Variants in KAT6B observed in about 807,000 individuals in gnomAD.
KAT6B encodes the protein histone acetyltransferase KAT6B.
KAT6B carries 10 observed loss-of-function variants against 187.5 expected under a neutral mutation model. That is an observed-to-expected ratio of 0.05 (90% CI 0.03 to 0.09). The LOEUF is 0.09. Among genes scored for constraint, KAT6B ranks in the 10% least tolerant of loss-of-function variants. The pLI is 1.00. For synonymous variants in KAT6B, 861 were observed against 926.8 expected (o/e 0.93, Z 1.29); for missense variants, 1,952 against 2,558.9 (o/e 0.76, Z 5.12).
chr10:74,989,922 C>T (rs1843022079), intron 13 of KAT6B, among the ~76,000 whole-genome samples: 2 of 151,942 alleles, frequency 1.3e-5, no homozygotes, highest in Admixed American at 1.3e-4. Context: ...ACTGGCCGGG[C>T]GTGGTGGCTT....
intron 3 of KAT6B, among the ~76,000 whole-genome samples, chr10:74,948,439 T>C (rs897669308): frequency 6.6e-6 from 1 of 152,200 alleles, no homozygotes; most frequent in African/African-American, 2.4e-5. Context: ...GTGTCTGACT[T>C]TTCTAGCTTG....
At chr10:74,987,593 G>A (rs756668852) in intron 12 of KAT6B, among the ~76,000 whole-genome samples, 9 of 152,244 alleles carry the variant, frequency 5.9e-5, no homozygotes, top group Non-Finnish European at 8.8e-5. Context: ...GAAAGGTTCA[G>A]TGCAAATTGT....
chr10:74,929,748 G>C (rs184494330), intron 3 of KAT6B, among the ~76,000 whole-genome samples: 22 of 152,198 alleles, frequency 1.4e-4, no homozygotes, highest in African/African-American at 5.3e-4. Context: ...CTACATTCTA[G>C]GTTTAATTCT....
intron 3 of KAT6B, among the ~76,000 whole-genome samples, chr10:74,879,375 A>G (rs1844681206): frequency 6.6e-6 from 1 of 152,172 alleles, no homozygotes; most frequent in Non-Finnish European, 1.5e-5. Flanking sequence ...TGTTGTCCAA[A>G]AATATGGAAG....
chr10:74,932,792 C>CT (rs1848979771), intron 3 of KAT6B, among the ~76,000 whole-genome samples: 1 of 152,048 alleles, frequency 6.6e-6, no homozygotes, highest in Non-Finnish European at 1.5e-5. Context: ...TCAGGGAGCT[C>CT]TTTTTTGGGA....
At chr10:74,980,046 C>T (rs1007072567) in intron 10 of KAT6B, among the ~76,000 whole-genome samples, 1 of 152,140 alleles carries the variant, frequency 6.6e-6, no homozygotes, top group African/African-American at 2.4e-5. Context: ...GTAATCCCAG[C>T]TACTCGGGAG....
chr10:74,900,944 C>G (rs1368331560), intron 3 of KAT6B, among the ~76,000 whole-genome samples: 1 of 152,052 alleles, frequency 6.6e-6, no homozygotes, highest in Non-Finnish European at 1.5e-5. Flanking sequence ...CCTAATACTC[C>G]ATGAAAGTAT....
rs1273926744 is a variant in KAT6B at position 75,029,212 on chromosome 10, A to T, written c.4388A>T (p.Asn1463Ile). 8 of 1,614,026 alleles carry T rather than the reference A, an allele frequency of 5.0e-6. No homozygotes were observed. The highest frequency in any genetic ancestry group is 2.7e-5 in the African/African-American group (2 of 74,904). Residue 1463 changes from asparagine to isoleucine, a missense_variant, in exon 18 of 18, where the codon AAT becomes ATT. Asn to Ile is a moderately radical substitution (Grantham distance 149). Coordinates refer to ENST00000287239, the MANE Select transcript of KAT6B (RefSeq NM_012330.4). This position sits in a 1 kb window ranked among gnomAD's most constrained non-coding sequence, Gnocchi z 6.2. Reference protein sequence around the residue: ...LENQETFLDLNVQPGHSNPEV... With the variant: ...LENQETFLDLIVQPGHSNPEV... ...AACCAGGAGACTTTTTTAGACCTTA[A>T]TGTGCAGCCTGGTCACTCGAACCCA...
chr10:74,900,468 G>C (rs1195845535), intron 3 of KAT6B, among the ~76,000 whole-genome samples: 1 of 152,178 alleles, frequency 6.6e-6, no homozygotes, highest in African/African-American at 2.4e-5. Flanking sequence ...GTCTTGTTGG[G>C]GGTGGGAAAA....
At chr10:74,926,505 A>T (rs1239920366) in intron 3 of KAT6B, among the ~76,000 whole-genome samples, 2 of 152,242 alleles carry the variant, frequency 1.3e-5, no homozygotes, top group Non-Finnish European at 2.9e-5. Flanking sequence ...TATTGCCTAC[A>T]GGAGAAAATG....
intron 3 of KAT6B, among the ~76,000 whole-genome samples, chr10:74,929,000 A>G (rs940769436): frequency 1.3e-5 from 2 of 152,148 alleles, no homozygotes; most frequent in African/African-American, 4.8e-5. Flanking sequence ...ACCATGGTCA[A>G]GATTTGTTTA....
rs759247786 is a variant in KAT6B at position 74,972,604 on chromosome 10, T to A, written c.1026T>A (p.Ile342=). The A allele has an allele frequency of 1.2e-6, 2 of 1,613,298 alleles. No homozygotes were observed. Among genetic ancestry groups the A allele is most frequent in the East Asian group, 4.5e-5 (2 of 44,868 alleles). The change falls in exon 7 of 18, where the codon ATT becomes ATA. Residue 342 remains isoleucine, a synonymous_variant. Transcript: ENST00000287239. ...AQIKRRYAKP[I]GRPKNKLKQR... is the part of the protein sequence containing the mutation. ...TAAAACGACGATATGCAAAACCCAT[T>A]GGACGACCGAAAAATAAATTAAAGC...
At chr10:74,884,848 C>T (rs531391219) in intron 3 of KAT6B, among the ~76,000 whole-genome samples, 13 of 152,186 alleles carry the variant, frequency 8.5e-5, no homozygotes, top group African/African-American at 2.2e-4. Flanking sequence ...GGATTACAGG[C>T]GTGAGCTACA....
At chr10:74,828,336 G>A (rs1424945819) in intron 1 of KAT6B, among the ~76,000 whole-genome samples, 1 of 152,094 alleles carries the variant, frequency 6.6e-6, no homozygotes, top group Non-Finnish European at 1.5e-5. Flanking sequence ...GAGGTACCAA[G>A]GAAATTCAGG....
intron 3 of KAT6B, among the ~76,000 whole-genome samples, chr10:74,950,661 T>TA (rs1291581904): frequency 6.6e-6 from 1 of 152,140 alleles, no homozygotes; most frequent in African/African-American, 2.4e-5. Flanking sequence ...CTTTATTAGG[T>TA]AAGTGTCAAA....
intron 13 of KAT6B, among the ~76,000 whole-genome samples, chr10:75,011,867 G>A (rs1418114434): frequency 2.0e-5 from 3 of 152,128 alleles, no homozygotes; most frequent in East Asian, 1.9e-4. Flanking sequence ...CCTCCCCTGC[G>A]TCAGTTCAGA....
chr10:74,839,151 GC>G (rs1354317787), intron 2 of KAT6B, among the ~76,000 whole-genome samples: 5 of 147,866 alleles, frequency 3.4e-5, no homozygotes, highest in African/African-American at 1.0e-4. Flanking sequence ...AAGACTCTGT[GC>G]CCCCCAAAAA....
chr10:74,982,027 T>TA, intron 11 of KAT6B, 99 bp downstream of exon 11: 1 of 1,125,144 alleles, frequency 8.9e-7, no homozygotes, highest in East Asian at 2.4e-5. Flanking sequence ...AAAGTATACT[T>TA]AATTTTGGCA....
At chr10:74,889,185 T>C (rs1461947073) in intron 3 of KAT6B, among the ~76,000 whole-genome samples, 2 of 152,190 alleles carry the variant, frequency 1.3e-5, no homozygotes, top group Non-Finnish European at 2.9e-5. Flanking sequence ...GTGTCATCTA[T>C]GTTGTCAAAT....
Sources: gnomAD v4.1 joint callset for allele counts (sites outside exome capture counted in the v4.1 genomes callset) on GRCh38, gnomAD v4.1.1 for gene constraint, Gnocchi (gnomAD v3.1) non-coding constraint, MANE v1.5 for transcripts, NCBI Gene and HGNC (gene_info 2026-07-23, HGNC 2026-07-21) for gene names.